TBL1XR1: variants seen among roughly 807,000 people sequenced by gnomAD.
TBL1XR1 encodes F-box-like/WD repeat-containing protein TBL1XR1.
TBL1XR1 carries 5 observed loss-of-function variants against 66.9 expected under a neutral mutation model. That is an observed-to-expected ratio of 0.07 (90% CI 0.04 to 0.16). TBL1XR1 has a LOEUF of 0.16. Among genes scored for constraint, TBL1XR1 ranks in the 10% least tolerant of loss-of-function variants. The pLI, the probability that TBL1XR1 is intolerant of heterozygous loss-of-function variation, is 1.00. For synonymous variants in TBL1XR1, 210 were observed against 206.0 expected, an observed-to-expected ratio of 1.02 and a Z score of -0.17; for missense variants, 238 against 623.2, an observed-to-expected ratio of 0.38 and a Z score of 6.58.
chr3:177,030,736 C>T (rs1249927222), intron 14 of TBL1XR1, among the ~76,000 whole-genome samples: 2 of 152,186 alleles, frequency 1.3e-5, no homozygotes, highest in African/African-American at 4.8e-5. Flanking sequence ...CAAATACTAA[C>T]TTGAATATAC....
intron 14 of TBL1XR1, among the ~76,000 whole-genome samples, chr3:177,030,497 T>C (rs887431431): frequency 6.6e-6 from 1 of 152,032 alleles, no homozygotes; most frequent in Non-Finnish European, 1.5e-5. Flanking sequence ...TCATTTATCA[T>C]GGGAATGACA....
At chr3:177,156,740 C>A (rs1431026080) in intron 1 of TBL1XR1, among the ~76,000 whole-genome samples, 1 of 151,984 alleles carries the variant, frequency 6.6e-6, no homozygotes, top group African/African-American at 2.4e-5. Flanking sequence ...AAAACTAAAA[C>A]ACAAGGAGAT....
At chr3:177,043,407 C>T (rs1190984976) in intron 10 of TBL1XR1, among the ~76,000 whole-genome samples, 1 of 151,952 alleles carries the variant, frequency 6.6e-6, no homozygotes. Context: ...TATTAATAAC[C>T]TCCTTTTTCC....
intron 1 of TBL1XR1, among the ~76,000 whole-genome samples, chr3:177,113,638 C>T (rs1167488817): frequency 6.6e-6 from 1 of 151,990 alleles, no homozygotes; most frequent in African/African-American, 2.4e-5. Context: ...TGTGACTAGC[C>T]TGGGCAACAT....
At chr3:177,037,067 G>C (rs895589134) in intron 12 of TBL1XR1, among the ~76,000 whole-genome samples, 1 of 152,200 alleles carries the variant, frequency 6.6e-6, no homozygotes, top group African/African-American at 2.4e-5. Flanking sequence ...GATCCATGTT[G>C]AGATGTGGAT....
chr3:177,144,227 C>CAAGAGCAA (rs2108829858), intron 1 of TBL1XR1, among the ~76,000 whole-genome samples: 1 of 151,886 alleles, frequency 6.6e-6, no homozygotes, highest in Admixed American at 6.6e-5. Context: ...GCCTGGGAAA[C>CAAGAGCAA]AAGAGCAAAA....
chr3:177,069,235 A>C (rs1259547745), intron 2 of TBL1XR1, among the ~76,000 whole-genome samples: 2 of 152,206 alleles, frequency 1.3e-5, no homozygotes, highest in Non-Finnish European at 2.9e-5. Context: ...GTCATAAAGC[A>C]ATTTTTAAGA....
chr3:177,072,205 C>G (rs541535868), intron 2 of TBL1XR1, among the ~76,000 whole-genome samples: 1 of 152,308 alleles, frequency 6.6e-6, no homozygotes, highest in South Asian at 2.1e-4. Flanking sequence ...TTCTATTATA[C>G]TAATGACAAA....
chr3:177,062,085 T>C (rs890222667), intron 3 of TBL1XR1, among the ~76,000 whole-genome samples: 3 of 152,190 alleles, frequency 2.0e-5, no homozygotes, highest in Admixed American at 1.3e-4. Flanking sequence ...AAATATCTCA[T>C]GGCACCCTTT....
intron 1 of TBL1XR1, among the ~76,000 whole-genome samples, chr3:177,153,229 C>T (rs1731104053): frequency 6.6e-6 from 1 of 152,048 alleles, no homozygotes; most frequent in Admixed American, 6.6e-5. Flanking sequence ...AAGGGGGAAA[C>T]AAAGACTCTA....
chr3:177,094,152 A>T (rs538335973), intron 2 of TBL1XR1, among the ~76,000 whole-genome samples: 2 of 152,216 alleles, frequency 1.3e-5, no homozygotes, highest in Non-Finnish European at 2.9e-5. Context: ...ATAATCCTAT[A>T]AAAAAGTGGG....
At chr3:177,025,951 C>G (rs891946464) in intron 15 of TBL1XR1, 10 of 269,592 alleles carry the variant, frequency 3.7e-5, no homozygotes, top group Non-Finnish European at 6.3e-5. Flanking sequence ...AGTTGGCTAA[C>G]CTCATCCTGA....
At chr3:177,034,132 G>C in intron 13 of TBL1XR1, 66 bp downstream of exon 13, 1 of 1,456,416 alleles carries the variant, frequency 6.9e-7, no homozygotes, top group Non-Finnish European at 9.2e-7. Flanking sequence ...CTAAACTTCT[G>C]TCATATCTAT....
chr3:177,180,370 AT>A (rs1222456743), intron 1 of TBL1XR1, among the ~76,000 whole-genome samples: 2 of 57,594 alleles, frequency 3.5e-5, no homozygotes, highest in African/African-American at 7.8e-5. Context: ...AAATACGTTC[AT>A]TCCCCCCCCC....
intron 1 of TBL1XR1, among the ~76,000 whole-genome samples, chr3:177,170,437 A>G (rs1376991939): frequency 6.6e-6 from 1 of 151,950 alleles, no homozygotes. Flanking sequence ...GATTTGCTCT[A>G]CACTCCACCT....
upstream of TBL1XR1, among the ~76,000 whole-genome samples, chr3:177,197,832 C>T (rs9784307): frequency 1.1e-4 from 16 of 145,946 alleles, no homozygotes; most frequent in East Asian, 3.0e-3. Flanking sequence ...GAAGGCGCCT[C>T]GGGGCCCCGG....
intron 1 of TBL1XR1, among the ~76,000 whole-genome samples, chr3:177,146,589 C>CAAAAAAAAAAAA (rs78065426): frequency 0.012 from 635 of 51,916 alleles, 116 homozygotes; most frequent in Non-Finnish European, 0.017. Context: ...GACTCCATCT[C>CAAAAAAAAAAAA]AAAAAAAAAA....
At chr3:177,169,065 C>T (rs1217550248) in intron 1 of TBL1XR1, among the ~76,000 whole-genome samples, 1 of 152,116 alleles carries the variant, frequency 6.6e-6, no homozygotes, top group Admixed American at 6.5e-5. Flanking sequence ...GAAAACTCCA[C>T]ATATTTACAA....
chr3:177,116,605 G>C (rs543326036), intron 1 of TBL1XR1, among the ~76,000 whole-genome samples: 2 of 152,084 alleles, frequency 1.3e-5, no homozygotes, highest in Non-Finnish European at 2.9e-5. Context: ...TTTGTAACTT[G>C]AATGCCGAGA....
Sources: allele counts gnomAD v4.1 joint callset (sites outside exome capture counted in the v4.1 genomes callset), GRCh38; gene constraint gnomAD v4.1.1; transcripts MANE v1.5; gene names NCBI Gene and HGNC (gene_info 2026-07-23, HGNC 2026-07-21).